Variants in COL6A5 observed in about 807,000 individuals in gnomAD.
COL6A5 encodes collagen alpha-5(VI) chain.
A neutral mutation model predicts 65.6 loss-of-function variants in COL6A5; 48 were observed. The observed-to-expected ratio is 0.73, with a 90% CI of 0.58 to 0.93. The LOEUF is 0.93. Among genes scored for constraint, COL6A5 ranks in the 40% least tolerant of loss-of-function variants. COL6A5 has a pLI of 0.00. For synonymous variants in COL6A5, 291 were observed against 322.8 expected (o/e 0.90, Z 1.05); for missense variants, 914 against 928.3 (o/e 0.98, Z 0.20).
At chr3:130,421,157 A>G (rs756494276) in exon 26 of COL6A5, 1 of 1,550,626 alleles carries the variant, frequency 6.4e-7, no homozygotes, top group South Asian at 1.2e-5. Context: ...ACACAGGGAG[A>G]TTCTGGCATC....
At position 130,469,008 on chromosome 3, in the gene COL6A5, G is replaced by C. The variant is rs182910069; in HGVS notation, c.1760G>C (p.Arg587Thr). ...CCACTGACCTCCACCTTAGGAGACA[G>C]GGTTGCTGTCCTGAGCTACTCTCCT... is the stretch of plus-strand genomic sequence containing the variant. The change falls in exon 6 of 8, where the codon AGG becomes ACG. Residue 587 changes from arginine (R) to threonine (T), a missense_variant. Coordinates refer to ENST00000512836, the Ensembl canonical transcript of COL6A5. The C allele has an allele frequency of 3.1e-6, 5 of 1,612,876 alleles. No individual in the cohort carries two copies. In the Admixed American group the frequency reaches 8.4e-5, roughly 27 times the overall value.
At chr3:130,483,551 AAGTAGCTAAC>A (rs1710303539) in intron 7 of COL6A5, among the ~76,000 whole-genome samples, 1 of 152,188 alleles carries the variant, frequency 6.6e-6, no homozygotes, top group Admixed American at 6.5e-5. Context: ...AAAGCAGGTC[AAGTAGCTAAC>A]AGCAGTCCTC....
chr3:130,386,181 C>T (rs1192131788), intron 5 of COL6A5, among the ~76,000 whole-genome samples: 2 of 152,022 alleles, frequency 1.3e-5, no homozygotes, highest in African/African-American at 2.4e-5. Context: ...AGGAAAGATG[C>T]TAGAGTCAGA....
At chr3:130,418,782 G>A in intron 24 of COL6A5, 87 bp from the exon 25 acceptor site, 2 of 1,015,810 alleles carry the variant, frequency 2.0e-6, no homozygotes, top group African/African-American at 3.2e-5. Flanking sequence ...AGAACCTTGA[G>A]TCTCCTCATC....
rs771310088 is a variant in COL6A5, at chr3:130,395,031, G to T, written c.3134G>T (p.Gly1045Val). ...ATTCAGTCTCAAAGAATGAAAATTG[G>T]TATGGCTCAATTTGGAAGCAACTAC... is the stretch of plus-strand genomic sequence containing the variant. The change falls in exon 8 of 42, where the codon GGT becomes GTT. Residue 1045 changes from glycine (G) to valine (V), a missense_variant and NMD_transcript_variant. Transcript: ENST00000312481. 57 of 1,551,380 alleles carry T rather than the reference G, an allele frequency of 3.7e-5. No individual in the cohort carries two copies. The highest frequency in any genetic ancestry group is 4.7e-5 in the Non-Finnish European group (54 of 1,146,900).
intron 1 of COL6A5, among the ~76,000 whole-genome samples, chr3:130,437,926 C>T (rs1047908748): frequency 4.6e-5 from 7 of 151,952 alleles, no homozygotes; most frequent in Non-Finnish European, 8.8e-5. Flanking sequence ...AAATAATTTA[C>T]TTTTTTATTA....
intron 8 of COL6A5, 45 bp from the exon 9 acceptor site, chr3:130,397,538 C>T (rs2107659764): frequency 6.9e-7 from 1 of 1,443,264 alleles, no homozygotes; most frequent in East Asian, 2.5e-5. Flanking sequence ...TCCTTCCTTA[C>T]TCCTGTCTAC....
At chr3:130,397,518 C>T in intron 8 of COL6A5, 65 bp from the exon 9 acceptor site, 1 of 1,298,700 alleles carries the variant, frequency 7.7e-7, no homozygotes. Context: ...CTCCTTTTTT[C>T]TGCCGTCTCT....
chr3:130,408,259 A>T (rs1376254123), intron 17 of COL6A5, among the ~76,000 whole-genome samples: 3 of 112,396 alleles, frequency 2.7e-5, no homozygotes, highest in African/African-American at 3.5e-5. Context: ...AAACGAATGC[A>T]TTCCCGGTGT....
chr3:130,450,129 G>A (rs1709398570), intron 4 of COL6A5, among the ~76,000 whole-genome samples: 1 of 151,346 alleles, frequency 6.6e-6, no homozygotes, highest in Non-Finnish European at 1.5e-5. Flanking sequence ...GCTGTAGGTA[G>A]ATTTGTTTGT....
At chr3:130,403,641 C>G in exon 13 of COL6A5, 1 of 1,551,176 alleles carries the variant, frequency 6.4e-7, no homozygotes, top group Non-Finnish European at 8.7e-7. Flanking sequence ...GCAGAGGACA[C>G]AGGGGAGAGG....
rs375352064 is a variant in COL6A5 at position 130,414,137 on chromosome 3, T to A, written c.4761+6T>A. The A allele has an allele frequency of 7.1e-6, 11 of 1,542,664 alleles. No homozygotes were observed. Among genetic ancestry groups the A allele is most frequent in the Admixed American group, 2.0e-5 (1 of 50,912 alleles). ...AAGGATTACAAGGCCCACAGGTGTG[T>A]TGGAATATTTTGTAAATATTGATAA... On this transcript the variant is annotated splice_donor_region_variant and intron_variant and NMD_transcript_variant, in intron 22 of 41. Coordinates refer to the COL6A5 transcript ENST00000312481.
rs576978358 is a variant in COL6A5, at chr3:130,392,425, T to G, written c.2992+671T>G. Among the ~76,000 whole-genome samples, 110 of 152,254 alleles carry G rather than the reference T, an allele frequency of 7.2e-4. 1 individual carries two copies. The highest frequency in any genetic ancestry group is 2.3e-3 in the African/African-American group (96 of 41,556). On this transcript the variant is annotated intron_variant and NMD_transcript_variant, in intron 7 of 41. Transcript: ENST00000312481. ...CATTTGAGTGAGGACAGGGTGACACTTGCCACTTGTGGTCTTAAAAGCAGT... is the reference window on the plus strand; with the variant it reads ...CATTTGAGTGAGGACAGGGTGACACGTGCCACTTGTGGTCTTAAAAGCAGT...
At position 130,403,649 on chromosome 3, in the gene COL6A5, A is replaced by G. The variant is rs114408026; in HGVS notation, c.4268A>G (p.Glu1423Gly). 2,993 of 1,550,888 alleles carry G rather than the reference A, an allele frequency of 1.9e-3. 56 individuals carry two copies. The African/African-American group carries it at 0.035, about 18-fold the overall frequency. ...AAAGGCAGCAGAGGACACAGGGGAGAGGATGGAAACCCTGTAAGTTTTTAT... is the reference window on the plus strand; with the variant it reads ...AAAGGCAGCAGAGGACACAGGGGAGGGGATGGAAACCCTGTAAGTTTTTAT... Residue 1423 changes from glutamate to glycine, a missense_variant and NMD_transcript_variant, in exon 13 of 42, where the codon GAG becomes GGG. Physicochemically the swap from Glu to Gly is moderately conservative, Grantham distance 98. Transcript: ENST00000312481.
intron 1 of COL6A5, among the ~76,000 whole-genome samples, chr3:130,346,437 G>A (rs1934480438): frequency 6.6e-6 from 1 of 152,152 alleles, no homozygotes; most frequent in South Asian, 2.1e-4. Flanking sequence ...ACAGCAATGG[G>A]TGTGTAGGTA....
chr3:130,448,234 C>T lies in COL6A5; in HGVS notation c.1332+4668C>T, dbSNP rs371455670. ...AGTCCAGTAGGGGAGTGTAATGAAG[C>T]GAAAACCAGAAGCTGAAAAGGCTGA... On this transcript the variant is annotated intron_variant, in intron 4 of 7. Coordinates refer to ENST00000512836, the Ensembl canonical transcript of COL6A5. 1.9e-3 allele frequency among the ~76,000 whole-genome samples: 296 copies of T among 152,166 alleles called. 2 individuals carry two copies. Among genetic ancestry groups the T allele is most frequent in the African/African-American group, 6.4e-3 (266 of 41,514 alleles).
intron 7 of COL6A5, among the ~76,000 whole-genome samples, chr3:130,483,138 C>T (rs897357616): frequency 3.9e-5 from 6 of 152,032 alleles, no homozygotes; most frequent in Admixed American, 6.6e-5. Flanking sequence ...GCTTTATAAG[C>T]GAAGGAGAAA....
At chr3:130,411,288 A>C (rs1051302805) in intron 20 of COL6A5, among the ~76,000 whole-genome samples, 6 of 152,228 alleles carry the variant, frequency 3.9e-5, no homozygotes, top group African/African-American at 1.4e-4. Flanking sequence ...TCATGCGCTC[A>C]GCATGGACAT....
At chr3:130,431,264 C>A (rs757322082), upstream of COL6A5, 1 of 703,186 alleles carries the variant, frequency 1.4e-6, no homozygotes, top group South Asian at 1.5e-5. Context: ...GCCAAATATT[C>A]ATGCTCTGCA....
Sources: allele counts gnomAD v4.1 joint callset (sites outside exome capture counted in the v4.1 genomes callset), GRCh38; gene constraint gnomAD v4.1.1; transcripts MANE v1.5; gene names NCBI Gene and HGNC (gene_info 2026-07-23, HGNC 2026-07-21).